RNF170: variants seen among roughly 807,000 people sequenced by gnomAD.
RNF170 encodes ring finger protein 170, also known as E3 ubiquitin-protein ligase RNF170.
In RNF170, 12 loss-of-function variants were observed where a neutral mutation model predicts 32.7. The ratio of observed to expected loss-of-function variants is 0.37; its 90% CI spans 0.24 to 0.60. The LOEUF (loss-of-function observed/expected upper bound fraction) is 0.60. Ranked by LOEUF, RNF170 falls within the 20% of genes least tolerant of loss-of-function variation. The pLI, the probability that RNF170 is intolerant of heterozygous loss-of-function variation, is 0.72. For missense variants in RNF170, 212 were observed against 311.2 expected (o/e 0.68, Z 2.40); for synonymous variants, 91 against 103.6 (o/e 0.88, Z 0.74).
upstream of RNF170, chr8:42,897,073 G>A: frequency 1.6e-6 from 2 of 1,216,058 alleles, no homozygotes; most frequent in South Asian, 4.2e-5. Context: ...CGGATCCCCC[G>A]ACAGAGCGGC....
At chr8:42,896,828 C>G (rs946061324), upstream of RNF170, 39 of 193,050 alleles carry the variant, frequency 2.0e-4, no homozygotes, top group Non-Finnish European at 3.4e-4. Flanking sequence ...GCTCCTCGGC[C>G]TCGGCTCCAG....
chr8:42,855,409 C>T lies in RNF170; in HGVS notation c.*750G>A, dbSNP rs1463529824. The T allele has an allele frequency of 1.5e-6, 1 of 682,260 alleles. No homozygotes were observed. Among genetic ancestry groups the T allele is most frequent in the Admixed American group, 2.9e-5 (1 of 34,040 alleles). 42.3% of individuals were successfully genotyped at this position (682,260 alleles called of 1,614,324 possible). ...TGTATTTTTAGTAGAGACGGGGTTT[C>T]ACCATGTTAGCCAGGATGGTCCTGA... On this transcript the variant is annotated 3_prime_UTR_variant, in exon 7 of 7. Transcript: ENST00000527424.
Position 42,855,040 on chromosome 8 carries a change from C to T in RNF170, c.*1119G>A, listed in dbSNP as rs758846866. 7.8e-7 allele frequency: 1 copy of T among 1,287,096 alleles called. No individual in the cohort carries two copies. The highest frequency in any genetic ancestry group is 2.3e-5 in the Admixed American group (1 of 43,538). The allele number at this position is 1,287,096 out of a possible 1,614,324, so 79.7% of individuals were successfully genotyped here. ...CCAGTACCTTCCTATTGGCTTGATG[C>T]TCAAAGACACGAAGATTCACCTTCC... is the stretch of plus-strand genomic sequence containing the variant. On this transcript the variant is annotated 3_prime_UTR_variant, in exon 7 of 7. Coordinates refer to ENST00000527424, the MANE Select transcript of RNF170 (RefSeq NM_030954.4).
chr8:42,860,925 C>G (rs545860126), intron 6 of RNF170, among the ~76,000 whole-genome samples: 5 of 151,874 alleles, frequency 3.3e-5, no homozygotes, highest in African/African-American at 9.7e-5. Flanking sequence ...ACCGTGTTGG[C>G]CAGGCTGGTC....
intron 1 of RNF170, among the ~76,000 whole-genome samples, chr8:42,891,470 C>A (rs1443012482): frequency 6.6e-6 from 1 of 152,130 alleles, no homozygotes; most frequent in African/African-American, 2.4e-5. Context: ...CCAGATGGTG[C>A]CCCAAACAGG....
rs376927157 is a variant in RNF170, at chr8:42,854,229, A to G, written c.*1930T>C. 20 of 1,287,238 alleles carry G rather than the reference A, an allele frequency of 1.6e-5. No homozygotes were observed. The South Asian group carries it at 1.6e-4, about 10-fold the overall frequency. 79.7% of individuals were successfully genotyped at this position (1,287,238 alleles called of 1,614,324 possible). A position where few individuals can be genotyped will look rare whatever the true frequency, so the allele number is the denominator to read the frequency against. On this transcript the variant is annotated 3_prime_UTR_variant, in exon 7 of 7. Coordinates refer to ENST00000527424, the MANE Select transcript of RNF170 (RefSeq NM_030954.4). ...TAAGCTGTCTTACTCTGATGGAGGT[A>G]TAATGTAGCACGAAAGACTTCCAAA... is the stretch of plus-strand genomic sequence containing the variant.
chr8:42,866,938 C>T (rs1474280798), intron 4 of RNF170, among the ~76,000 whole-genome samples: 1 of 152,220 alleles, frequency 6.6e-6, no homozygotes, highest in African/African-American at 2.4e-5. Context: ...CCAGGTCCCA[C>T]TGTGAATCTG....
intron 2 of RNF170, among the ~76,000 whole-genome samples, chr8:42,884,849 C>T (rs374657472): frequency 8.7e-4 from 7 of 8,078 alleles, no homozygotes; most frequent in African/African-American, 2.9e-3. Flanking sequence ...TTACAGGCAC[C>T]CACGACCACA....
At chr8:42,857,024 C>G (rs1803293710) in intron 6 of RNF170, among the ~76,000 whole-genome samples, 1 of 152,180 alleles carries the variant, frequency 6.6e-6, no homozygotes, top group African/African-American at 2.4e-5. Context: ...AGTGATTATA[C>G]ATTAAAGACA....
At chr8:42,860,092 G>A (rs563468103) in intron 6 of RNF170, among the ~76,000 whole-genome samples, 3 of 152,194 alleles carry the variant, frequency 2.0e-5, no homozygotes, top group Non-Finnish European at 2.9e-5. Flanking sequence ...GTCAAGGAGG[G>A]AATCAGCTCA....
chr8:42,876,199 T>C (rs546010082), intron 2 of RNF170, among the ~76,000 whole-genome samples: 1 of 150,892 alleles, frequency 6.6e-6, no homozygotes, highest in African/African-American at 2.4e-5. Flanking sequence ...AATTCTTAAA[T>C]CTGGTGGTAG....
chr8:42,872,316 CCTTA>C (rs1563261675), intron 3 of RNF170, among the ~76,000 whole-genome samples: 3 of 152,140 alleles, frequency 2.0e-5, no homozygotes, highest in Non-Finnish European at 4.4e-5. Context: ...ATAGTAGTTG[CCTTA>C]CTTATGTCTA....
intron 6 of RNF170, among the ~76,000 whole-genome samples, chr8:42,859,873 C>G (rs1250399580): frequency 1.3e-5 from 2 of 152,114 alleles, no homozygotes; most frequent in Non-Finnish European, 2.9e-5. Context: ...TGGTCTCAAA[C>G]TCCTGAGCTC....
In RNF170 at chr8:42,873,923, T is replaced by C; in HGVS notation, c.213+8A>G. 1 of 1,498,252 alleles carries C rather than the reference T, an allele frequency of 6.7e-7. No individual in the cohort carries two copies. Among genetic ancestry groups the C allele is most frequent in the Non-Finnish European group, 9.3e-7 (1 of 1,074,534 alleles). 92.8% of individuals were successfully genotyped at this position (1,498,252 alleles called of 1,614,324 possible). On this transcript the variant is annotated splice_region_variant and intron_variant, in intron 3 of 6. Coordinates refer to ENST00000527424, the MANE Select transcript of RNF170 (RefSeq NM_030954.4). ...CATCTACTCCTCAAATAAATACATA[T>C]ACAATACCTGTTCTGTTTGAAGCTG... is the stretch of plus-strand genomic sequence containing the variant.
Position 42,853,427 on chromosome 8 carries a change from G to A in RNF170, c.*2732C>T, listed in dbSNP as rs1308069262. The A allele has an allele frequency of 4.7e-6, 6 of 1,286,974 alleles. No homozygotes were observed. The highest frequency in any genetic ancestry group is 5.5e-5 in the East Asian group (1 of 18,034). The allele number at this position is 1,286,974 out of a possible 1,614,324, so 79.7% of individuals were successfully genotyped here. A position where few individuals can be genotyped will look rare whatever the true frequency, so the allele number is the denominator to read the frequency against. ...GAGGTAGGTATCTGCATAGCCACAAGGGATCCACATAGTCCTTTCTTCCCT... is the reference window on the plus strand; with the variant it reads ...GAGGTAGGTATCTGCATAGCCACAAAGGATCCACATAGTCCTTTCTTCCCT... On this transcript the variant is annotated 3_prime_UTR_variant, in exon 7 of 7. Coordinates refer to ENST00000527424, the MANE Select transcript of RNF170 (RefSeq NM_030954.4).
At chr8:42,892,266 C>A (rs1228475056) in intron 1 of RNF170, among the ~76,000 whole-genome samples, 3 of 152,198 alleles carry the variant, frequency 2.0e-5, no homozygotes, top group Non-Finnish European at 4.4e-5. Flanking sequence ...TCACTGCAGC[C>A]TCGACCTCCC....
chr8:42,896,432 C>G, intron 1 of RNF170, 52 bp downstream of exon 1: 1 of 452,170 alleles, frequency 2.2e-6, no homozygotes, highest in Non-Finnish European at 4.4e-6. Context: ...CCGCCGTCCG[C>G]GGCTCCGCGG....
downstream of RNF170, among the ~76,000 whole-genome samples, chr8:42,852,956 C>CTTT (rs76276558): frequency 7.2e-6 from 1 of 138,922 alleles, no homozygotes; most frequent in African/African-American, 2.6e-5. Flanking sequence ...TATCTACAAA[C>CTTT]TTTTTTTTTT....
chr8:42,883,491 C>T (rs1805574926), intron 2 of RNF170, among the ~76,000 whole-genome samples: 1 of 146,606 alleles, frequency 6.8e-6, no homozygotes, highest in Admixed American at 7.0e-5. Flanking sequence ...ATCGCTTGAA[C>T]CCGGGAGGCG....
Sources: gnomAD v4.1 joint callset for allele counts (sites outside exome capture counted in the v4.1 genomes callset) on GRCh38, gnomAD v4.1.1 for gene constraint, MANE v1.5 for transcripts, NCBI Gene and HGNC (gene_info 2026-07-23, HGNC 2026-07-21) for gene names.